Variants in LATS2 observed in about 807,000 individuals in gnomAD.
LATS2 encodes large tumor suppressor kinase 2, also known as serine/threonine-protein kinase LATS2.
Under a neutral mutation model 76.0 loss-of-function variants are expected in LATS2, and 24 were observed. The observed-to-expected ratio is 0.32, with a 90% confidence interval of 0.23 to 0.44. The LOEUF (loss-of-function observed/expected upper bound fraction) is 0.44, where lower values mean the gene tolerates loss of function less well. Ranked by LOEUF, LATS2 falls within the 20% of genes least tolerant of loss-of-function variation. The pLI, the probability that LATS2 is intolerant of heterozygous loss-of-function variation, is 1.00. For missense variants in LATS2, 1,286 were observed against 1,481.2 expected (o/e 0.87, Z 2.16); for synonymous variants, 692 against 635.4 (o/e 1.09, Z -1.34).
At position 21,001,390 on chromosome 13, in the gene LATS2, C is replaced by A. The variant is rs1037279181; in HGVS notation, c.343-9986G>T. Among the ~76,000 whole-genome samples the A allele has an allele frequency of 5.3e-4, 80 of 152,302 alleles. 1 individual carries two copies. The highest frequency in any genetic ancestry group is 1.9e-3 in the African/African-American group (79 of 41,554). ...CATCCCTGTATGTACGGGCTGCAGC[C>A]CCCAGTGTGAAGCGGAATCTACTTC... On this transcript the variant is annotated intron_variant, in intron 2 of 7. Coordinates refer to ENST00000382592, the MANE Select transcript of LATS2 (RefSeq NM_014572.3).
intron 1 of LATS2, among the ~76,000 whole-genome samples, chr13:21,052,316 C>A (rs958663909): frequency 6.6e-6 from 1 of 152,156 alleles, no homozygotes; most frequent in Admixed American, 6.5e-5. Context: ...AAACTGAACA[C>A]AGAAACAGGT....
At chr13:21,029,701 G>T (rs1872445710) in intron 2 of LATS2, among the ~76,000 whole-genome samples, 1 of 152,158 alleles carries the variant, frequency 6.6e-6, no homozygotes, top group Non-Finnish European at 1.5e-5. Flanking sequence ...TGAGGCAGGA[G>T]AATCACTTGA....
rs1290571408 is a variant in LATS2, at chr13:20,988,979, G to A, written c.801C>T (p.Tyr267=). The A allele has an allele frequency of 1.3e-6, 2 of 1,541,746 alleles. No individual in the cohort carries two copies. Among genetic ancestry groups the A allele is most frequent in the East Asian group, 2.4e-5 (1 of 41,280 alleles). Residue 267 remains tyrosine (Y), a synonymous_variant, in exon 4 of 8, where the codon TAC becomes TAT. Coordinates refer to ENST00000382592, the MANE Select transcript of LATS2 (RefSeq NM_014572.3). ...GGAAGGAGGGGCTGCGCTGCACTCC[G>A]TAGCCCAGGGGTTCCCCAGGCACCA... ...HLLVPGEPLG[Y]GVQRSPSFQS... is the part of the protein sequence containing the mutation.
At chr13:21,038,591 A>G (rs1872757104) in intron 2 of LATS2, 1 of 152,164 alleles carries the variant, frequency 6.6e-6, no homozygotes, top group Admixed American at 6.5e-5. Context: ...ATGGTGGGGT[A>G]TTGGAAAGTT....
intron 2 of LATS2, among the ~76,000 whole-genome samples, chr13:21,022,463 G>A (rs1392099976): frequency 6.6e-6 from 1 of 152,096 alleles, no homozygotes; most frequent in African/African-American, 2.4e-5. Flanking sequence ...CTTTTGTACT[G>A]CACGGTTAGA....
chr13:21,001,475 G>C (rs1359385586), intron 2 of LATS2, among the ~76,000 whole-genome samples: 1 of 152,214 alleles, frequency 6.6e-6, no homozygotes, highest in Admixed American at 6.5e-5. Flanking sequence ...GAGCAGAAGT[G>C]CTGCTGTGCC....
At chr13:21,036,144 C>G (rs1377053252) in intron 2 of LATS2, among the ~76,000 whole-genome samples, 2 of 152,138 alleles carry the variant, frequency 1.3e-5, no homozygotes, top group Non-Finnish European at 2.9e-5. Flanking sequence ...GATCCACCCC[C>G]CTCAGCCTCC....
intron 1 of LATS2, among the ~76,000 whole-genome samples, chr13:21,050,060 C>T (rs988210104): frequency 6.6e-6 from 1 of 151,664 alleles, no homozygotes; most frequent in East Asian, 1.9e-4. Context: ...GTGCAGTTTG[C>T]AGTGAGCTGA....
Position 21,004,422 on chromosome 13 carries a change from G to A in LATS2, c.343-13018C>T, listed in dbSNP as rs183648875. Among the ~76,000 whole-genome samples the A allele has an allele frequency of 1.8e-3, 224 of 126,752 alleles. 1 individual carries two copies. Among genetic ancestry groups the A allele is most frequent in the African/African-American group, 6.3e-3 (203 of 32,004 alleles). 83.2% of individuals were successfully genotyped at this position (126,752 alleles called of 152,430 possible). A position where few individuals can be genotyped will look rare whatever the true frequency, so the allele number is the denominator to read the frequency against. On this transcript the variant is annotated intron_variant, in intron 2 of 7. Transcript: ENST00000382592. ...GCACTCTAGCCTGGGCAACAAGAGC[G>A]AAACACTGTCTCAAAAAAAAAAAAA...
At chr13:21,006,062 G>A (rs574338741) in intron 2 of LATS2, among the ~76,000 whole-genome samples, 2 of 151,898 alleles carry the variant, frequency 1.3e-5, no homozygotes, top group South Asian at 2.1e-4. Context: ...GCTGGAACCC[G>A]GAAGGCAGAG....
intron 1 of LATS2, among the ~76,000 whole-genome samples, chr13:21,050,942 A>G (rs1873251546): frequency 6.6e-6 from 1 of 152,112 alleles, no homozygotes; most frequent in South Asian, 2.1e-4. Flanking sequence ...CAGCCACGTG[A>G]GGGGGGGCAG....
intron 2 of LATS2, among the ~76,000 whole-genome samples, chr13:21,012,871 C>T (rs1162345256): frequency 6.6e-6 from 1 of 151,794 alleles, no homozygotes; most frequent in Non-Finnish European, 1.5e-5. Context: ...TAGCTTTTTA[C>T]CTAAAGTTAC....
At chr13:20,992,512 G>T (rs1008534693) in intron 2 of LATS2, among the ~76,000 whole-genome samples, 1 of 152,156 alleles carries the variant, frequency 6.6e-6, no homozygotes, top group Non-Finnish European at 1.5e-5. Flanking sequence ...GGACAGCTCC[G>T]CAGAGCTGTA....
In LATS2 at chr13:20,987,989, G is replaced by A; in HGVS notation, c.1791C>T (p.Tyr597=). 1 of 1,614,282 alleles carries A rather than the reference G, an allele frequency of 6.2e-7. No homozygotes were observed. Among genetic ancestry groups the A allele is most frequent in the African/African-American group, 1.3e-5 (1 of 75,078 alleles). The part of the protein sequence containing the change: ...EEKRESRIKS[Y]SPYAFKFFME... ...TGAAGAACTTAAAGGCGTATGGCGA[G>A]TAGCTCTTGATGCGTGACTCTCTCT... The change falls in exon 4 of 8, where the codon TAC becomes TAT. Residue 597 remains tyrosine, a synonymous_variant. Transcript: ENST00000382592.
intron 2 of LATS2, among the ~76,000 whole-genome samples, chr13:21,034,797 C>T (rs1212320417): frequency 1.3e-5 from 2 of 152,060 alleles, no homozygotes; most frequent in African/African-American, 4.8e-5. Flanking sequence ...CCTGCCGTTT[C>T]CCACAGTACA....
chr13:21,041,098 G>A (rs1377128879), intron 2 of LATS2, among the ~76,000 whole-genome samples: 7 of 151,962 alleles, frequency 4.6e-5, no homozygotes, highest in African/African-American at 1.7e-4. Context: ...TCAGCCTCCA[G>A]AGTAGCTGGG....
intron 7 of LATS2, 97 bp from the exon 8 acceptor site, chr13:20,975,461 T>G: frequency 7.8e-7 from 1 of 1,281,938 alleles, no homozygotes; most frequent in Non-Finnish European, 1.1e-6. Context: ...ATGTTTAGTT[T>G]CACAATAGGA....
rs1297644817 is a variant in LATS2 at position 20,983,484 on chromosome 13, AG to A, written c.2221del (p.Leu741CysfsTer4). 1 of 1,614,022 alleles carries A rather than the reference AG, an allele frequency of 6.2e-7. No individual in the cohort carries two copies. ...AGGGATGTAGTCCATCACAAAGTAC[AG>A]GCTGTCTTTGTCTTGGAAGGAGTAG... ...LYYSFQDKDSLYFVMDYIPGG... is the reference protein window; with the variant it reads ...LYYSFQDKDSXYFVMDYIPGG... On this transcript the variant is annotated frameshift_variant, in exon 5 of 8. Coordinates refer to ENST00000382592, the MANE Select transcript of LATS2 (RefSeq NM_014572.3). LOFTEE classifies it high-confidence loss of function.
chr13:20,974,478 TTA>T lies in LATS2; in HGVS notation c.*390_*391del, dbSNP rs1445354429. On this transcript the variant is annotated 3_prime_UTR_variant, in exon 8 of 8. Transcript: ENST00000382592. ...ATTTCTCATCAATGTTCTTCAGTTTTTATGTCTTTTCCTAAATGTGAATAAGT... is the reference window on the plus strand; with the variant it reads ...ATTTCTCATCAATGTTCTTCAGTTTTTGTCTTTTCCTAAATGTGAATAAGT... 4 of 234,654 alleles carry T rather than the reference TTA, an allele frequency of 1.7e-5. No individual in the cohort carries two copies. The highest frequency in any genetic ancestry group is 1.3e-4 in the East Asian group (2 of 15,882). The allele number at this position is 234,654 out of a possible 1,614,324, so 14.5% of individuals were successfully genotyped here.
Sources: allele counts gnomAD v4.1 joint callset (sites outside exome capture counted in the v4.1 genomes callset), GRCh38; gene constraint gnomAD v4.1.1; transcripts MANE v1.5; gene names NCBI Gene and HGNC (gene_info 2026-07-23, HGNC 2026-07-21).